SS18: variants seen among roughly 807,000 people sequenced by gnomAD.
SS18 encodes protein SSXT.
In SS18, 28 loss-of-function variants were observed where a neutral mutation model predicts 72.5. The ratio of observed to expected loss-of-function variants is 0.39; its 90% CI spans 0.29 to 0.53. The LOEUF (loss-of-function observed/expected upper bound fraction) is 0.53. Among genes scored for constraint, SS18 ranks in the 20% least tolerant of loss-of-function variants. SS18 has a pLI of 0.76. For synonymous variants in SS18, 172 were observed against 164.2 expected (o/e 1.05, Z -0.37); for missense variants, 518 against 535.3 (o/e 0.97, Z 0.32).
intron 5 of SS18, among the ~76,000 whole-genome samples, chr18:26,052,263 G>C (rs2053935871): frequency 6.6e-6 from 1 of 152,120 alleles, no homozygotes; most frequent in Non-Finnish European, 1.5e-5. Context: ...AAATCAAGGG[G>C]AATTCATATA....
In SS18 at chr18:26,078,138, T is replaced by A; in HGVS notation, c.169A>T (p.Asn57Tyr). The change falls in exon 3 of 11, where the codon AAC becomes TAC. Residue 57 changes from asparagine to tyrosine, a missense_variant. Asn to Tyr is a moderately radical substitution (Grantham distance 143). Transcript: ENST00000415083. Reference sequence around the variant, plus strand: ...GCTATTGTAGCAAGGTATACCAAGTTTGTGTGCAACATCTGCTGATACCTA... The same window carrying A: ...GCTATTGTAGCAAGGTATACCAAGTATGTGTGCAACATCTGCTGATACCTA... The part of the protein sequence containing the change: ...CSQYQQMLHT[N>Y]LVYLATIADS... 6.2e-7 allele frequency: 1 copy of A among 1,612,670 alleles called. No homozygotes were observed. The highest frequency in any genetic ancestry group is 8.5e-7 in the Non-Finnish European group (1 of 1,179,452).
chr18:26,058,673 A>G (rs2144025707), intron 3 of SS18, among the ~76,000 whole-genome samples: 1 of 152,338 alleles, frequency 6.6e-6, no homozygotes, highest in Admixed American at 6.5e-5. Flanking sequence ...TTATTTGGCC[A>G]TCACATTTAA....
At chr18:26,020,516 T>G (rs2053331017) in intron 10 of SS18, among the ~76,000 whole-genome samples, 1 of 152,204 alleles carries the variant, frequency 6.6e-6, no homozygotes, top group South Asian at 2.1e-4. Context: ...TAAGCTATAA[T>G]TTATCTACTG....
intron 10 of SS18, among the ~76,000 whole-genome samples, chr18:26,032,096 C>T (rs1399776942): frequency 6.6e-6 from 1 of 151,952 alleles, no homozygotes; most frequent in East Asian, 1.9e-4. Flanking sequence ...TACTTTACCT[C>T]AGTAAACAAA....
Position 26,064,896 on chromosome 18 carries a change from G to A in SS18, c.232-7154C>T, listed in dbSNP as rs147192168. 34 of 151,982 alleles carry A rather than the reference G, an allele frequency of 2.2e-4. 1 individual carries two copies. Among genetic ancestry groups the A allele is most frequent in the African/African-American group, 7.0e-4 (29 of 41,486 alleles). 9.4% of individuals were successfully genotyped at this position (151,982 alleles called of 1,614,324 possible). On this transcript the variant is annotated intron_variant, in intron 3 of 10. Coordinates refer to ENST00000415083, the MANE Select transcript of SS18 (RefSeq NM_001007559.3). ...CCTATAATAAACCATTAGAATAAGT[G>A]AATATAATAACTAAGGTCAATATAT... is the stretch of plus-strand genomic sequence containing the variant.
chr18:26,023,840 A>AT (rs34038435), intron 10 of SS18, among the ~76,000 whole-genome samples: 34 of 151,730 alleles, frequency 2.2e-4, no homozygotes, highest in South Asian at 1.5e-3. Flanking sequence ...CAATTTAAAA[A>AT]TTTTTTTTTC....
chr18:26,041,044 AACTGAG>A, intron 5 of SS18, among the ~76,000 whole-genome samples: 1 of 152,342 alleles, frequency 6.6e-6, no homozygotes, highest in South Asian at 2.1e-4. Flanking sequence ...AATAGATAAA[AACTGAG>A]AATAAGACAA....
At chr18:26,025,001 T>C (rs944021808) in intron 10 of SS18, among the ~76,000 whole-genome samples, 4 of 152,170 alleles carry the variant, frequency 2.6e-5, no homozygotes, top group African/African-American at 4.8e-5. Context: ...AAAAGTGGTA[T>C]TGCAGTATTG....
intron 10 of SS18, among the ~76,000 whole-genome samples, chr18:26,027,048 CA>C (rs1887531933): frequency 6.6e-6 from 1 of 152,102 alleles, no homozygotes; most frequent in South Asian, 2.1e-4. Flanking sequence ...ATGGCAATTA[CA>C]ATGAAACTCC....
At chr18:26,018,967 C>T (rs73395627) in intron 10 of SS18, among the ~76,000 whole-genome samples, 29,081 of 152,026 alleles carry the variant, frequency 0.19, 5,697 homozygotes, top group African/African-American at 0.49. Flanking sequence ...TCAAGGAAAG[C>T]TGTTTTGTGT....
intron 3 of SS18, among the ~76,000 whole-genome samples, chr18:26,070,579 G>A (rs963371538): frequency 6.6e-6 from 1 of 152,172 alleles, no homozygotes; most frequent in African/African-American, 2.4e-5. Flanking sequence ...CTAAGTGTTA[G>A]TGCACTGGCA....
intron 7 of SS18, among the ~76,000 whole-genome samples, chr18:26,037,438 G>T (rs2053645142): frequency 6.6e-6 from 1 of 151,924 alleles, no homozygotes; most frequent in Non-Finnish European, 1.5e-5. Flanking sequence ...AATACGTAGA[G>T]TCTACAACAA....
intron 3 of SS18, among the ~76,000 whole-genome samples, chr18:26,076,767 T>C (rs576517654): frequency 6.6e-6 from 1 of 151,928 alleles, no homozygotes; most frequent in African/African-American, 2.4e-5. Flanking sequence ...GAGGCTTCCA[T>C]TGATCAGAGA....
At chr18:26,054,659 G>C (rs1431022547) in intron 4 of SS18, among the ~76,000 whole-genome samples, 1 of 151,466 alleles carries the variant, frequency 6.6e-6, no homozygotes, top group Non-Finnish European at 1.5e-5. Flanking sequence ...TATTTAATGA[G>C]TGCTATCATT....
intron 5 of SS18, among the ~76,000 whole-genome samples, chr18:26,044,064 G>A (rs929094589): frequency 6.6e-6 from 1 of 152,152 alleles, no homozygotes; most frequent in African/African-American, 2.4e-5. Flanking sequence ...CTTACAGCAA[G>A]AGGATACCTA....
intron 2 of SS18, chr18:26,080,506 C>T (rs1386524119): frequency 3.3e-6 from 1 of 304,550 alleles, no homozygotes. Context: ...ATCTGCCACA[C>T]TCTTAAGGTC....
Position 26,052,836 on chromosome 18 carries a change from T to C in SS18, c.395A>G (p.His132Arg), listed in dbSNP as rs1568009344. 9 of 1,613,116 alleles carry C rather than the reference T, an allele frequency of 5.6e-6. No homozygotes were observed. In the East Asian group the frequency reaches 6.7e-5, roughly 12 times the overall value. ...GGGTCCAGGTCCCTGCATAGGCATA[T>C]GGTTAGGCCCTTTGAAGAAAAATGA... is the stretch of plus-strand genomic sequence containing the variant. Reference protein sequence around the residue: ...QMNGQMPGPNHMPMQGPGPNQ... With the variant: ...QMNGQMPGPNRMPMQGPGPNQ... The change falls in exon 5 of 11, where the codon CAT becomes CGT. Residue 132 changes from histidine to arginine, a missense_variant. Coordinates refer to ENST00000415083, the MANE Select transcript of SS18 (RefSeq NM_001007559.3).
upstream of SS18, chr18:26,090,733 C>A: frequency 1.4e-6 from 1 of 700,478 alleles, no homozygotes; most frequent in Non-Finnish European, 2.4e-6. Context: ...AGGAGGCACT[C>A]TGGCCAGGGA....
intron 2 of SS18, among the ~76,000 whole-genome samples, chr18:26,085,495 T>C (rs1173052452): frequency 6.6e-6 from 1 of 152,236 alleles, no homozygotes; most frequent in African/African-American, 2.4e-5. Context: ...GCTGGCTAAT[T>C]TGGCAACTTA....
Sources: allele counts gnomAD v4.1 joint callset (sites outside exome capture counted in the v4.1 genomes callset), GRCh38; gene constraint gnomAD v4.1.1; transcripts MANE v1.5; gene names NCBI Gene and HGNC (gene_info 2026-07-23, HGNC 2026-07-21).